PAG1: variants seen among roughly 807,000 people sequenced by gnomAD.
The protein encoded by PAG1 is phosphoprotein associated with glycosphingolipid-enriched microdomains 1.
PAG1 carries 23 observed loss-of-function variants against 31.7 expected under a neutral mutation model. The observed-to-expected ratio is 0.73, with a 90% CI of 0.52 to 1.03. PAG1 has a LOEUF of 1.03. Ranked by LOEUF, PAG1 falls within the 50% of genes least tolerant of loss-of-function variation. The probability of loss-of-function intolerance (pLI) is 0.00; values close to 1 mark genes in which losing one functional copy is unlikely to be tolerated. For missense variants in PAG1, 473 were observed against 540.7 expected (o/e 0.87, Z 1.24); for synonymous variants, 214 against 210.3 (o/e 1.02, Z -0.15).
chr8:81,065,837 TTATATATATCA>T (rs1000772359), intron 2 of PAG1, among the ~76,000 whole-genome samples: 8 of 150,646 alleles, frequency 5.3e-5, no homozygotes, highest in South Asian at 2.1e-4. Context: ...ATATATATGT[TTATATATATCA>T]TATATATATC....
intron 1 of PAG1, among the ~76,000 whole-genome samples, chr8:81,087,814 AG>A (rs1489388589): frequency 1.3e-5 from 2 of 152,198 alleles, no homozygotes; most frequent in Non-Finnish European, 2.9e-5. Flanking sequence ...TGGGCTGGTC[AG>A]GCACCCTGCG....
intron 2 of PAG1, among the ~76,000 whole-genome samples, chr8:81,032,316 T>C (rs966527501): frequency 1.3e-5 from 2 of 152,190 alleles, no homozygotes; most frequent in Non-Finnish European, 2.9e-5. Flanking sequence ...TCGTATGTGA[T>C]AAGGGACTTA....
chr8:81,056,718 A>G (rs1380602723), intron 2 of PAG1, among the ~76,000 whole-genome samples: 3 of 152,272 alleles, frequency 2.0e-5, no homozygotes, highest in Admixed American at 2.0e-4. Flanking sequence ...AAATTGACAA[A>G]TGGGATCTAA....
intron 1 of PAG1, among the ~76,000 whole-genome samples, chr8:81,070,837 G>C (rs1809081697): frequency 1.3e-5 from 2 of 152,148 alleles, no homozygotes; most frequent in Non-Finnish European, 1.5e-5. Context: ...ATTTGAGTTT[G>C]AGGAATGTAA....
intron 3 of PAG1, among the ~76,000 whole-genome samples, chr8:81,027,788 C>T (rs1406847782): frequency 6.6e-6 from 1 of 151,732 alleles, no homozygotes; most frequent in Non-Finnish European, 1.5e-5. Context: ...GCCTGTAGTC[C>T]CAGCTACTCG....
In PAG1 at chr8:80,986,453, A is replaced by T. The variant is rs1008045452; in HGVS notation, c.274+917T>A. ...AAACTCTAAAGCATGAAGGAAACCT[A>T]GCTGCTCCTTCCATCAGCAAGAGTA... is the stretch of plus-strand genomic sequence containing the variant. On this transcript the variant is annotated intron_variant, in intron 6 of 8. Coordinates refer to ENST00000220597, the MANE Select transcript of PAG1 (RefSeq NM_018440.4). Among the ~76,000 whole-genome samples the T allele has an allele frequency of 2.6e-5, 4 of 152,218 alleles. No homozygotes were observed. The East Asian group carries it at 7.7e-4, about 29-fold the overall frequency.
chr8:81,038,634 A>G (rs7839929), intron 2 of PAG1, among the ~76,000 whole-genome samples: 79,597 of 151,872 alleles, frequency 0.52, 23,415 homozygotes, highest in Non-Finnish European at 0.66. Flanking sequence ...TTCACACTCT[A>G]TATATGTAAT....
chr8:81,003,965 G>A (rs973439112), intron 3 of PAG1, among the ~76,000 whole-genome samples: 3 of 152,148 alleles, frequency 2.0e-5, no homozygotes, highest in African/African-American at 7.2e-5. Context: ...AATCACTCCC[G>A]ACAGCCCTTC....
At chr8:81,104,413 G>A (rs990286849) in intron 1 of PAG1, among the ~76,000 whole-genome samples, 10 of 139,718 alleles carry the variant, frequency 7.2e-5, no homozygotes, top group African/African-American at 2.7e-4. Context: ...CAGTCCACAC[G>A]TTCTCACAGG....
intron 3 of PAG1, among the ~76,000 whole-genome samples, chr8:81,000,947 C>T (rs1388858740): frequency 6.6e-6 from 1 of 152,228 alleles, no homozygotes; most frequent in Non-Finnish European, 1.5e-5. Flanking sequence ...GACAATTTCA[C>T]ACCTTCTCCA....
chr8:81,034,639 G>T (rs988754288), intron 2 of PAG1, among the ~76,000 whole-genome samples: 1 of 152,210 alleles, frequency 6.6e-6, no homozygotes, highest in African/African-American at 2.4e-5. Flanking sequence ...GAGTAAGAAA[G>T]GTTCTTCTGT....
At position 81,044,150 on chromosome 8, in the gene PAG1, C is replaced by T. The variant is rs118077926; in HGVS notation, c.-174-14061G>A. 2.9e-3 allele frequency among the ~76,000 whole-genome samples: 449 copies of T among 152,304 alleles called. 1 individual carries two copies. Among genetic ancestry groups the T allele is most frequent in the South Asian group, 0.018 (87 of 4,832 alleles). On this transcript the variant is annotated intron_variant, in intron 2 of 8. Transcript: ENST00000220597. The stretch of plus-strand genomic sequence containing the variant: ...TTAACACTTGACTTCCCTGCAGTAA[C>T]ATCTGAATGCCTGGGGGCAGTAATG...
intron 3 of PAG1, among the ~76,000 whole-genome samples, chr8:80,999,591 C>T (rs1375075277): frequency 6.6e-6 from 1 of 152,150 alleles, no homozygotes; most frequent in Non-Finnish European, 1.5e-5. Context: ...AGTTATAAAT[C>T]CTCATGGCTG....
At position 81,039,172 on chromosome 8, in the gene PAG1, G is replaced by A. The variant is rs186377953; in HGVS notation, c.-174-9083C>T. On this transcript the variant is annotated intron_variant, in intron 2 of 8. Transcript: ENST00000220597. The stretch of plus-strand genomic sequence containing the variant: ...GTGTGTGTGCATGTGCCTATGTGAC[G>A]CTTTTCTGAGCCTGTTAGGTTTGAT... Among the ~76,000 whole-genome samples the A allele has an allele frequency of 7.9e-5, 12 of 152,142 alleles. No homozygotes were observed. The East Asian group carries it at 1.2e-3, about 15-fold the overall frequency.
At position 81,099,675 on chromosome 8, in the gene PAG1, G is replaced by T. The variant is rs183864467; in HGVS notation, c.-234+11916C>A. On this transcript the variant is annotated intron_variant, in intron 1 of 8. Transcript: ENST00000220597. ...TAAGGACAGAAAGTGAGACAGAAAAGAAAGCAAGCAATAGAAAGATTGGTG... is the reference window on the plus strand; with the variant it reads ...TAAGGACAGAAAGTGAGACAGAAAATAAAGCAAGCAATAGAAAGATTGGTG... 1.3e-3 allele frequency among the ~76,000 whole-genome samples: 205 copies of T among 152,332 alleles called. 1 individual carries two copies. Among genetic ancestry groups the T allele is most frequent in the African/African-American group, 4.6e-3 (192 of 41,576 alleles).
chr8:81,032,468 C>T (rs1161149678), intron 2 of PAG1, among the ~76,000 whole-genome samples: 7 of 152,144 alleles, frequency 4.6e-5, no homozygotes, highest in Non-Finnish European at 1.0e-4. Context: ...CTCAACATCA[C>T]AACATAAGTA....
rs1807114371 is a variant in PAG1, at chr8:80,973,260, T to G, written c.*3284A>C. The G allele has an allele frequency of 2.6e-5, 4 of 152,174 alleles. No homozygotes were observed. Among genetic ancestry groups the G allele is most frequent in the Non-Finnish European group, 5.9e-5 (4 of 68,018 alleles). The allele number at this position is 152,174 out of a possible 1,614,324, so 9.4% of individuals were successfully genotyped here. Reference sequence around the variant, plus strand: ...GCAAGAATTACTTTCTTATGGAATTTAAGATTTCCTCAAATATTTTCTTTT... The same window carrying G: ...GCAAGAATTACTTTCTTATGGAATTGAAGATTTCCTCAAATATTTTCTTTT... On this transcript the variant is annotated 3_prime_UTR_variant, in exon 9 of 9. Coordinates refer to ENST00000220597, the MANE Select transcript of PAG1 (RefSeq NM_018440.4).
intron 2 of PAG1, among the ~76,000 whole-genome samples, chr8:81,035,081 G>A (rs769231613): frequency 4.6e-5 from 7 of 152,158 alleles, no homozygotes; most frequent in East Asian, 1.9e-4. Context: ...CCCAGCTATC[G>A]CAGGGAGGCA....
At chr8:81,051,064 T>C (rs1485736122) in intron 2 of PAG1, among the ~76,000 whole-genome samples, 1 of 152,258 alleles carries the variant, frequency 6.6e-6, no homozygotes, top group Non-Finnish European at 1.5e-5. Context: ...TCTTAATGAA[T>C]GCAGAATTAT....
Sources: gnomAD v4.1 joint callset for allele counts (sites outside exome capture counted in the v4.1 genomes callset) on GRCh38, gnomAD v4.1.1 for gene constraint, MANE v1.5 for transcripts, NCBI Gene and HGNC (gene_info 2026-07-23, HGNC 2026-07-21) for gene names.